Variants in ADD3 observed in about 807,000 individuals in gnomAD.
ADD3 encodes gamma-adducin.
A neutral mutation model predicts 80.2 loss-of-function variants in ADD3; 25 were observed. The observed-to-expected ratio is 0.31, with a 90% CI of 0.23 to 0.44. The LOEUF (loss-of-function observed/expected upper bound fraction) is 0.44, where lower values mean the gene tolerates loss of function less well. Among genes scored for constraint, ADD3 ranks in the 20% least tolerant of loss-of-function variants. ADD3 has a pLI of 1.00. For synonymous variants in ADD3, 284 were observed against 289.6 expected (o/e 0.98, Z 0.20); for missense variants, 829 against 847.5 (o/e 0.98, Z 0.27).
At chr10:110,085,249 C>G (rs770822252) in intron 1 of ADD3, among the ~76,000 whole-genome samples, 3 of 152,128 alleles carry the variant, frequency 2.0e-5, no homozygotes, top group Non-Finnish European at 4.4e-5. Flanking sequence ...CAGTTAATGT[C>G]CAACACAGTT....
chr10:110,024,962 C>G (rs544382436), intron 1 of ADD3, among the ~76,000 whole-genome samples: 19 of 151,490 alleles, frequency 1.3e-4, no homozygotes, highest in African/African-American at 4.4e-4. Flanking sequence ...GAGTCTCACT[C>G]CATCACCCAG....
At position 110,119,193 on chromosome 10, in the gene ADD3, A is replaced by T. The variant is rs1851155230; in HGVS notation, c.718-18A>T. The T allele has an allele frequency of 6.2e-7, 1 of 1,613,056 alleles. No individual in the cohort carries two copies. Among genetic ancestry groups the T allele is most frequent in the Non-Finnish European group, 8.5e-7 (1 of 1,179,592 alleles). ...TAGTAACCAAATGTGTTATCTTGGT[A>T]TGGGCCAAACCAAATAGGTATCCTC... On this transcript the variant is annotated intron_variant, in intron 6 of 14. Transcript: ENST00000356080.
chr10:110,018,711 T>C (rs1564844735), intron 1 of ADD3, among the ~76,000 whole-genome samples: 1 of 152,100 alleles, frequency 6.6e-6, no homozygotes, highest in Non-Finnish European at 1.5e-5. Flanking sequence ...TGGGAGATAG[T>C]TTATAATAGT....
intron 1 of ADD3, among the ~76,000 whole-genome samples, chr10:110,042,531 T>A (rs1856485940): frequency 1.3e-5 from 2 of 152,276 alleles, no homozygotes; most frequent in Admixed American, 6.5e-5. Flanking sequence ...TCATGATTTT[T>A]AAAATAAATT....
chr10:110,020,125 T>C (rs1853500498), intron 1 of ADD3, among the ~76,000 whole-genome samples: 1 of 152,248 alleles, frequency 6.6e-6, no homozygotes, highest in Non-Finnish European at 1.5e-5. Flanking sequence ...TACATATTTG[T>C]GACCTGTTTA....
intron 1 of ADD3, among the ~76,000 whole-genome samples, chr10:110,082,817 C>G (rs1846229029): frequency 6.6e-6 from 1 of 152,178 alleles, no homozygotes; most frequent in Non-Finnish European, 1.5e-5. Context: ...TATCTTCACA[C>G]TTTTTTTGTG....
intron 1 of ADD3, among the ~76,000 whole-genome samples, chr10:110,010,426 CTG>C (rs1002063438): frequency 1.2e-4 from 18 of 151,960 alleles, no homozygotes; most frequent in African/African-American, 3.9e-4. Context: ...TCTGAACAAA[CTG>C]TGTAGCGTGT....
chr10:110,020,734 G>A (rs1204958254), intron 1 of ADD3, among the ~76,000 whole-genome samples: 1 of 152,224 alleles, frequency 6.6e-6, no homozygotes, highest in Non-Finnish European at 1.5e-5. Flanking sequence ...GAGAGATGAT[G>A]TATCTGGTAG....
At chr10:110,045,234 G>A (rs1174713316) in intron 1 of ADD3, among the ~76,000 whole-genome samples, 5 of 152,072 alleles carry the variant, frequency 3.3e-5, no homozygotes, top group Non-Finnish European at 7.4e-5. Context: ...TGCGCCTGTA[G>A]TCCCAGCTAC....
intron 1 of ADD3, among the ~76,000 whole-genome samples, chr10:110,015,406 C>G (rs573239713): frequency 6.9e-6 from 1 of 145,256 alleles, no homozygotes; most frequent in Admixed American, 6.9e-5. Flanking sequence ...GATGGAGTCT[C>G]GCTCTGTCGC....
At chr10:109,997,174 A>G (rs1851397162) in intron 1 of ADD3, among the ~76,000 whole-genome samples, 1 of 152,192 alleles carries the variant, frequency 6.6e-6, no homozygotes, top group East Asian at 1.9e-4. Context: ...AGCAGTATCT[A>G]ATCTCATTTT....
intron 1 of ADD3, among the ~76,000 whole-genome samples, chr10:110,041,666 A>G (rs1349261633): frequency 6.6e-6 from 1 of 152,202 alleles, no homozygotes; most frequent in African/African-American, 2.4e-5. Context: ...CTGTCATACA[A>G]GAAATGCAAG....
At chr10:110,026,282 G>GTT (rs11395254) in intron 1 of ADD3, among the ~76,000 whole-genome samples, 8,248 of 135,600 alleles carry the variant, frequency 0.061, 880 homozygotes, top group African/African-American at 0.21. Flanking sequence ...CAGTTTTCTT[G>GTT]TTTTTTTTTT....
At chr10:110,047,891 C>T (rs997868889) in intron 1 of ADD3, among the ~76,000 whole-genome samples, 7 of 152,060 alleles carry the variant, frequency 4.6e-5, no homozygotes, top group Non-Finnish European at 1.0e-4. Context: ...AACCACTATC[C>T]CATTAGAAAC....
chr10:110,046,256 T>C (rs1589857000), intron 1 of ADD3, among the ~76,000 whole-genome samples: 3 of 152,300 alleles, frequency 2.0e-5, no homozygotes, highest in South Asian at 2.1e-4. Context: ...TATTTTCTTA[T>C]GATTTTCTTA....
At chr10:110,100,229 A>C (rs1273867031) in intron 1 of ADD3, among the ~76,000 whole-genome samples, 5 of 151,976 alleles carry the variant, frequency 3.3e-5, no homozygotes, top group Non-Finnish European at 7.4e-5. Flanking sequence ...ACGCGCCTGT[A>C]GTCCCAACTA....
At position 110,135,332 on chromosome 10, in the gene ADD3, A is replaced by G. The variant is rs997326487; in HGVS notation, c.*1714A>G. 2.0e-5 allele frequency: 3 copies of G among 152,616 alleles called. No individual in the cohort carries two copies. The highest frequency in any genetic ancestry group is 4.8e-5 in the African/African-American group (2 of 41,446). 9.5% of individuals were successfully genotyped at this position (152,616 alleles called of 1,614,324 possible). On this transcript the variant is annotated 3_prime_UTR_variant, in exon 15 of 15. Transcript: ENST00000356080. ...AGTAACCTGTGAACTATGCTTTTCC[A>G]TAACTTTTTAAAAATATATATATCT...
intron 1 of ADD3, among the ~76,000 whole-genome samples, chr10:110,018,882 G>A (rs1343827481): frequency 6.6e-6 from 1 of 152,172 alleles, no homozygotes; most frequent in Non-Finnish European, 1.5e-5. Flanking sequence ...ACTTTTAACA[G>A]TGCTCCCTCT....
At chr10:110,116,196 A>C in intron 3 of ADD3, 63 bp from the exon 4 acceptor site, 1 of 1,567,596 alleles carries the variant, frequency 6.4e-7, no homozygotes, top group South Asian at 1.2e-5. Context: ...ACTTCCTGGC[A>C]ACTAATTTCC....
Sources: allele counts gnomAD v4.1 joint callset (sites outside exome capture counted in the v4.1 genomes callset), GRCh38; gene constraint gnomAD v4.1.1; transcripts MANE v1.5; gene names NCBI Gene and HGNC (gene_info 2026-07-23, HGNC 2026-07-21).